The following ERC2 variants were observed in gnomAD, a reference collection of about 807,000 sequenced individuals.
ERC2 encodes ERC protein 2.
A neutral mutation model predicts 114.8 loss-of-function variants in ERC2; 42 were observed. That is an observed-to-expected ratio of 0.37 (90% CI 0.29 to 0.47). ERC2 has a LOEUF of 0.47. Ranked by LOEUF, ERC2 falls within the 20% of genes least tolerant of loss-of-function variation. ERC2 has a pLI of 0.99. For synonymous variants in ERC2, 454 were observed against 425.5 expected (o/e 1.07, Z -0.82); for missense variants, 939 against 1,150.7 (o/e 0.82, Z 2.66).
intron 17 of ERC2, among the ~76,000 whole-genome samples, chr3:55,547,191 C>A (rs1428388824): frequency 2.6e-5 from 4 of 152,226 alleles, no homozygotes; most frequent in East Asian, 3.9e-4. Flanking sequence ...TCTGCTGATG[C>A]CCAGGGCTGT....
At chr3:56,133,737 G>C (rs549230024) in intron 6 of ERC2, among the ~76,000 whole-genome samples, 2 of 152,324 alleles carry the variant, frequency 1.3e-5, no homozygotes, top group East Asian at 1.9e-4. Context: ...CTGGAACTCA[G>C]TGTAGCAGCC....
chr3:55,918,384 C>T (rs939090721), intron 13 of ERC2, among the ~76,000 whole-genome samples: 11 of 152,028 alleles, frequency 7.2e-5, no homozygotes, highest in African/African-American at 2.4e-4. Context: ...TCCTTCTTAA[C>T]AATAAATTGG....
chr3:55,923,497 AATGTT>A (rs1358329292), intron 13 of ERC2, among the ~76,000 whole-genome samples: 1 of 152,148 alleles, frequency 6.6e-6, no homozygotes, highest in African/African-American at 2.4e-5. Flanking sequence ...TAAAATGGTA[AATGTT>A]ATGTTATATA....
chr3:56,240,755 G>A (rs2150202990), intron 3 of ERC2, among the ~76,000 whole-genome samples: 1 of 152,272 alleles, frequency 6.6e-6, no homozygotes, highest in African/African-American at 2.4e-5. Context: ...AAACATTTGT[G>A]TAAAACGACC....
At chr3:55,935,830 G>C (rs4974153) in intron 13 of ERC2, among the ~76,000 whole-genome samples, 1 of 151,896 alleles carries the variant, frequency 6.6e-6, no homozygotes, top group Non-Finnish European at 1.5e-5. Flanking sequence ...AATGAGGAAG[G>C]TGCCCTCTGC....
intron 17 of ERC2, among the ~76,000 whole-genome samples, chr3:55,640,711 T>G (rs2060141634): frequency 6.6e-6 from 1 of 152,090 alleles, no homozygotes; most frequent in Non-Finnish European, 1.5e-5. Flanking sequence ...GATTTTCCAC[T>G]CCCCAGATGG....
At chr3:55,678,077 T>C (rs1044103273) in intron 17 of ERC2, among the ~76,000 whole-genome samples, 2 of 152,136 alleles carry the variant, frequency 1.3e-5, no homozygotes, top group African/African-American at 2.4e-5. Flanking sequence ...GATATAAATA[T>C]ACAGACACCT....
chr3:55,945,129 G>A (rs991683371), intron 13 of ERC2, among the ~76,000 whole-genome samples: 2 of 152,126 alleles, frequency 1.3e-5, no homozygotes, highest in Admixed American at 6.5e-5. Flanking sequence ...AACAAATGTG[G>A]ATTCTCTTTT....
chr3:55,966,839 C>G (rs1325795172), intron 12 of ERC2, among the ~76,000 whole-genome samples: 2 of 152,184 alleles, frequency 1.3e-5, no homozygotes, highest in African/African-American at 4.8e-5. Flanking sequence ...ATGGGCTGTT[C>G]CAAGTGCTTT....
intron 17 of ERC2, among the ~76,000 whole-genome samples, chr3:55,512,157 T>C (rs1322712746): frequency 6.6e-6 from 1 of 152,198 alleles, no homozygotes; most frequent in African/African-American, 2.4e-5. Context: ...TATGCAGCAT[T>C]TTTCGAGTCA....
chr3:55,983,664 C>T (rs113941223), intron 12 of ERC2, among the ~76,000 whole-genome samples: 5 of 152,292 alleles, frequency 3.3e-5, no homozygotes, highest in African/African-American at 1.2e-4. Flanking sequence ...TCAAGAGTTA[C>T]TGCAGTTTCC....
chr3:56,301,715 T>TA lies in ERC2; in HGVS notation c.658-5281dup, dbSNP rs11285026. Among the ~76,000 whole-genome samples the TA allele has an allele frequency of 1.3e-3, 201 of 150,152 alleles. No homozygotes were observed. In the South Asian group the frequency reaches 0.016, roughly 12 times the overall value. ...ACCCTGTATCTAAAAAAAATAAAAA[T>TA]AAAAAAAAAAATTACCAGATTTTCA... On this transcript the variant is annotated intron_variant, in intron 2 of 17. Coordinates refer to ENST00000288221, the MANE Select transcript of ERC2 (RefSeq NM_015576.3).
At chr3:55,554,486 GC>G (rs1049223328) in intron 17 of ERC2, among the ~76,000 whole-genome samples, 7 of 152,184 alleles carry the variant, frequency 4.6e-5, no homozygotes, top group African/African-American at 1.7e-4. Context: ...CCAGGCTGAA[GC>G]CGGACTCCTA....
intron 2 of ERC2, among the ~76,000 whole-genome samples, chr3:56,411,921 G>T (rs780695709): frequency 9.2e-5 from 14 of 152,218 alleles, no homozygotes; most frequent in Non-Finnish European, 1.6e-4. Flanking sequence ...GCTGGAGGGT[G>T]AGTGTGGTTG....
At chr3:56,448,669 A>C (rs1181606094) in intron 1 of ERC2, among the ~76,000 whole-genome samples, 1 of 152,230 alleles carries the variant, frequency 6.6e-6, no homozygotes, top group Non-Finnish European at 1.5e-5. Flanking sequence ...TTTGTGGGCC[A>C]CTTGATCTCT....
At chr3:55,652,199 G>C (rs1357973658) in intron 17 of ERC2, among the ~76,000 whole-genome samples, 1 of 152,166 alleles carries the variant, frequency 6.6e-6, no homozygotes, top group Non-Finnish European at 1.5e-5. Flanking sequence ...TCGTTGTAAA[G>C]GGCAGTGCAC....
intron 2 of ERC2, among the ~76,000 whole-genome samples, chr3:56,304,285 A>G (rs568448561): frequency 1.3e-5 from 2 of 152,216 alleles, no homozygotes; most frequent in Non-Finnish European, 2.9e-5. Context: ...CACATAGGAA[A>G]TATTTAAAAG....
intron 14 of ERC2, among the ~76,000 whole-genome samples, chr3:55,737,958 C>T (rs2065743837): frequency 6.6e-6 from 1 of 152,186 alleles, no homozygotes; most frequent in South Asian, 2.1e-4. Context: ...TTCAGATTCT[C>T]TAATCTCAGG....
intron 3 of ERC2, among the ~76,000 whole-genome samples, chr3:56,203,857 C>T (rs920145443): frequency 6.6e-6 from 1 of 152,148 alleles, no homozygotes. Flanking sequence ...GTGCAGAGGA[C>T]CTGACAAGAG....
Sources: gnomAD v4.1 joint callset for allele counts (sites outside exome capture counted in the v4.1 genomes callset) on GRCh38, gnomAD v4.1.1 for gene constraint, MANE v1.5 for transcripts, NCBI Gene and HGNC (gene_info 2026-07-23, HGNC 2026-07-21) for gene names.